The following ASTN2 variants were observed in gnomAD, a reference collection of about 807,000 sequenced individuals.
ASTN2 encodes astrotactin 2.
Under a neutral mutation model 139.8 loss-of-function variants are expected in ASTN2, and 54 were observed. The observed-to-expected ratio is 0.39, with a 90% CI of 0.31 to 0.48. ASTN2 has a LOEUF of 0.48. ASTN2 is among the 20% of genes least tolerant of loss of function. The pLI is 0.95. For synonymous variants in ASTN2, 756 were observed against 719.5 expected, an observed-to-expected ratio of 1.05 and a Z score of -0.81; for missense variants, 1,565 against 1,725.1, an observed-to-expected ratio of 0.91 and a Z score of 1.64.
intron 10 of ASTN2, among the ~76,000 whole-genome samples, chr9:116,948,059 G>A (rs941232695): frequency 2.6e-5 from 4 of 152,110 alleles, no homozygotes; most frequent in East Asian, 1.9e-4. Flanking sequence ...CAGGACTTAC[G>A]TCTTCAGATG....
At chr9:117,258,568 A>G (rs1564111447) in intron 2 of ASTN2, among the ~76,000 whole-genome samples, 1 of 152,076 alleles carries the variant, frequency 6.6e-6, no homozygotes, top group African/African-American at 2.4e-5. Flanking sequence ...TTCTATTCAC[A>G]TTTCTAAAGC....
chr9:117,034,174 C>G (rs141298647), intron 6 of ASTN2, among the ~76,000 whole-genome samples: 22 of 152,236 alleles, frequency 1.4e-4, no homozygotes, highest in Non-Finnish European at 2.8e-4. Flanking sequence ...TAGCTTGTTC[C>G]TTTAAAAGCA....
intron 1 of ASTN2, among the ~76,000 whole-genome samples, chr9:117,341,722 A>G (rs1405904367): frequency 2.0e-5 from 3 of 152,112 alleles, no homozygotes; most frequent in Non-Finnish European, 2.9e-5. Context: ...TTTTCCCCCA[A>G]ATCTTCTAAT....
chr9:116,483,886 C>T (rs1849252169), intron 20 of ASTN2, among the ~76,000 whole-genome samples: 1 of 152,164 alleles, frequency 6.6e-6, no homozygotes, highest in Admixed American at 6.5e-5. Flanking sequence ...GAAGTAGTAG[C>T]AGGGCATGAG....
chr9:116,736,124 G>T (rs192841990), intron 13 of ASTN2, among the ~76,000 whole-genome samples: 1 of 152,326 alleles, frequency 6.6e-6, no homozygotes, highest in East Asian at 1.9e-4. Context: ...TTTGGCCCCA[G>T]ATCAAAATTG....
Position 117,222,427 on chromosome 9 carries a change from AG to A in ASTN2, c.631-7686del, listed in dbSNP as rs1832555498. ...TGGGGAGCAGAGACTGGGGCCTGAAAGGAGACTTGTCAGAGTACGTGGAGCC... is the reference window on the plus strand; with the variant it reads ...TGGGGAGCAGAGACTGGGGCCTGAAAGAGACTTGTCAGAGTACGTGGAGCC... On this transcript the variant is annotated intron_variant, in intron 2 of 22. Transcript: ENST00000313400. Among the ~76,000 whole-genome samples the A allele has an allele frequency of 2.0e-5, 3 of 152,254 alleles. No homozygotes were observed. In the South Asian group the frequency reaches 6.2e-4, roughly 32 times the overall value.
At chr9:116,641,736 A>G (rs1423337609) in intron 17 of ASTN2, among the ~76,000 whole-genome samples, 2 of 152,172 alleles carry the variant, frequency 1.3e-5, no homozygotes, top group African/African-American at 2.4e-5. Context: ...TTCAGGTCCC[A>G]TGAAAGAGCT....
intron 2 of ASTN2, among the ~76,000 whole-genome samples, chr9:117,272,948 T>C (rs972022355): frequency 3.9e-5 from 6 of 152,218 alleles, no homozygotes; most frequent in African/African-American, 1.4e-4. Context: ...AGTTCCAAAG[T>C]CGCTTCCACA....
At chr9:117,205,229 T>A (rs1372781914) in intron 3 of ASTN2, among the ~76,000 whole-genome samples, 1 of 151,628 alleles carries the variant, frequency 6.6e-6, no homozygotes, top group East Asian at 1.9e-4. Flanking sequence ...TGGCTAGAGC[T>A]TGAAGGAAAG....
intron 17 of ASTN2, among the ~76,000 whole-genome samples, chr9:116,639,596 C>T (rs758282402): frequency 7.2e-5 from 11 of 152,210 alleles, no homozygotes; most frequent in Non-Finnish European, 1.2e-4. Context: ...GGGATGGAGC[C>T]TGCAGCTTGC....
chr9:116,538,630 T>A (rs909999781), intron 19 of ASTN2, among the ~76,000 whole-genome samples: 4 of 152,172 alleles, frequency 2.6e-5, no homozygotes, highest in African/African-American at 9.7e-5. Flanking sequence ...TTCATGTTGA[T>A]CTAAGGAAAA....
chr9:117,310,330 C>G (rs1237837275), intron 1 of ASTN2, among the ~76,000 whole-genome samples: 1 of 152,170 alleles, frequency 6.6e-6, no homozygotes, highest in Admixed American at 6.5e-5. Flanking sequence ...GTTCCTGCAT[C>G]TATCTTCCTG....
chr9:116,560,853 G>T (rs1316372731), intron 19 of ASTN2, among the ~76,000 whole-genome samples: 1 of 152,138 alleles, frequency 6.6e-6, no homozygotes, highest in African/African-American at 2.4e-5. Flanking sequence ...GGTAGAGAGG[G>T]AAAATAGTCA....
intron 4 of ASTN2, among the ~76,000 whole-genome samples, chr9:117,135,230 T>C (rs1829923363): frequency 6.6e-6 from 1 of 152,282 alleles, no homozygotes. Context: ...AGCTCCACTA[T>C]GTACTAGTTG....
At chr9:117,066,016 CTTTTT>C (rs58654004) in intron 5 of ASTN2, among the ~76,000 whole-genome samples, 1 of 146,068 alleles carries the variant, frequency 6.8e-6, no homozygotes, top group Non-Finnish European at 1.5e-5. Context: ...CCCATTTTAT[CTTTTT>C]TTTTTTTTTA....
chr9:116,599,479 A>G lies in ASTN2; in HGVS notation c.3355+18845T>C, dbSNP rs181673739. Among the ~76,000 whole-genome samples the G allele has an allele frequency of 1.6e-4, 25 of 152,348 alleles. No homozygotes were observed. The East Asian group carries it at 1.9e-3, about 12-fold the overall frequency. On this transcript the variant is annotated intron_variant, in intron 19 of 22. Transcript: ENST00000313400. ...ATGCCCCAGGCATCTTACAGACAAC[A>G]TATATCATTTCATCTGTTGCTCACA...
At chr9:116,712,370 T>C (rs1358745006) in intron 16 of ASTN2, among the ~76,000 whole-genome samples, 1 of 152,198 alleles carries the variant, frequency 6.6e-6, no homozygotes, top group East Asian at 1.9e-4. Context: ...ATTTTTCTCA[T>C]TAAATATCTT....
intron 2 of ASTN2, among the ~76,000 whole-genome samples, chr9:117,285,247 G>C (rs899020532): frequency 6.7e-6 from 1 of 150,218 alleles, no homozygotes; most frequent in Admixed American, 6.6e-5. Flanking sequence ...CCCATAGTTG[G>C]CTCAATCTGA....
intron 2 of ASTN2, among the ~76,000 whole-genome samples, chr9:117,218,824 C>T (rs1052988666): frequency 3.9e-5 from 6 of 152,232 alleles, no homozygotes; most frequent in South Asian, 4.2e-4. Context: ...CACATATAAG[C>T]TGGGCTATCT....
Sources: gnomAD v4.1 joint callset for allele counts (sites outside exome capture counted in the v4.1 genomes callset) on GRCh38, gnomAD v4.1.1 for gene constraint, MANE v1.5 for transcripts, NCBI Gene and HGNC (gene_info 2026-07-23, HGNC 2026-07-21) for gene names.